CGN: variants seen among roughly 807,000 people sequenced by gnomAD.
CGN encodes the protein cingulin.
In CGN, 121 loss-of-function variants were observed where a neutral mutation model predicts 157.1. That is an observed-to-expected ratio of 0.77 (90% CI 0.66 to 0.90). The LOEUF (loss-of-function observed/expected upper bound fraction) is 0.90, where lower values mean the gene tolerates loss of function less well. CGN is among the 40% of genes least tolerant of loss of function. CGN has a pLI of 0.00. For missense variants in CGN, 1,424 were observed against 1,520.9 expected (o/e 0.94, Z 1.06); for synonymous variants, 535 against 607.5 (o/e 0.88, Z 1.76).
At chr1:151,511,174 G>T (rs1325317231), upstream of CGN, among the ~76,000 whole-genome samples, 1 of 152,132 alleles carries the variant, frequency 6.6e-6, no homozygotes, top group Non-Finnish European at 1.5e-5. This position sits in a 1 kb window ranked among gnomAD's most constrained non-coding sequence, Gnocchi z 4.8. Context: ...CGCGCCCCTC[G>T]CCGCCCCGCC....
At chr1:151,533,070 C>T (rs146421199) in intron 14 of CGN, among the ~76,000 whole-genome samples, 1 of 152,118 alleles carries the variant, frequency 6.6e-6, no homozygotes, top group South Asian at 2.1e-4. Flanking sequence ...TTTTAAAAAT[C>T]CCCACACCCA....
In CGN at chr1:151,519,326, T is replaced by G; in HGVS notation, c.807T>G (p.Thr269=). 2 of 1,611,056 alleles carry G rather than the reference T, an allele frequency of 1.2e-6. No homozygotes were observed. The highest frequency in any genetic ancestry group is 8.5e-7 in the Non-Finnish European group (1 of 1,180,002). ...PLSGFSRSRQ[T]QDWVLQSFEE... ...GTGGCTTTAGCCGTTCTCGTCAGAC[T>G]CAGGACTGGGTCCTTCAGAGTTTTG... Residue 269 remains threonine, a synonymous_variant, in exon 2 of 21, where the codon ACT becomes ACG. Coordinates refer to ENST00000271636, the MANE Select transcript of CGN (RefSeq NM_020770.3).
At position 151,524,375 on chromosome 1, in the gene CGN, T is replaced by C; in HGVS notation, c.1401+17T>C. 2 of 1,612,818 alleles carry C rather than the reference T, an allele frequency of 1.2e-6. No homozygotes were observed. Among genetic ancestry groups the C allele is most frequent in the Non-Finnish European group, 1.7e-6 (2 of 1,179,494 alleles). ...TTACTGAAGGTAGGGTCTGGGGTCA[T>C]ATGCCCCAGCCTCTGCTTTTTCTCA... On this transcript the variant is annotated intron_variant, in intron 7 of 20. Coordinates refer to ENST00000271636, the MANE Select transcript of CGN (RefSeq NM_020770.3). This position sits in a 1 kb window ranked among gnomAD's most constrained non-coding sequence, Gnocchi z 4.4.
rs1347955169 is a variant in CGN, at chr1:151,511,770, A to C, written c.-15+255A>C. 2.0e-5 allele frequency among the ~76,000 whole-genome samples: 3 copies of C among 152,314 alleles called. No homozygotes were observed. Among genetic ancestry groups the C allele is most frequent in the Admixed American group, 1.3e-4 (2 of 15,308 alleles). On this transcript the variant is annotated intron_variant, in intron 1 of 20. Transcript: ENST00000271636. The surrounding 1 kb of genome is among the most constrained non-coding windows in gnomAD (Gnocchi z 4.8). ...CTGGGGCGAAGGCTGTTCCCAGCGC[A>C]TGAAAGCGTTTCAGCGCCAGATGTC... is the stretch of plus-strand genomic sequence containing the variant.
Position 151,538,341 on chromosome 1 carries a change from A to C in CGN, c.*995A>C, listed in dbSNP as rs75094320. The C allele has an allele frequency of 1.3e-5, 2 of 152,234 alleles. No homozygotes were observed. The highest frequency in any genetic ancestry group is 3.8e-4 in the East Asian group (2 of 5,196). 9.4% of individuals were successfully genotyped at this position (152,234 alleles called of 1,614,324 possible). ...TGTGCCCAACTTCAATAAGAGAACC[A>C]AGGGACCCTCATTTTCTGAGGTGCT... On this transcript the variant is annotated 3_prime_UTR_variant, in exon 21 of 21. Coordinates refer to ENST00000271636, the MANE Select transcript of CGN (RefSeq NM_020770.3).
At chr1:151,528,211 T>A (rs1226051840) in intron 10 of CGN, among the ~76,000 whole-genome samples, 1 of 151,824 alleles carries the variant, frequency 6.6e-6, no homozygotes, top group Non-Finnish European at 1.5e-5. Context: ...TTGGTCTTGA[T>A]CTCCTGACCT....
rs1664965198 is a variant in CGN, at chr1:151,536,234, T to C, written c.3198-3T>C. 1.3e-6 allele frequency: 2 copies of C among 1,562,548 alleles called. No individual in the cohort carries two copies. On this transcript the variant is annotated splice_region_variant and splice_polypyrimidine_tract_variant and intron_variant, in intron 18 of 20. Transcript: ENST00000271636. ...TCATAGACATTCTTCTACCTCACCTTAGGGAGAAGACAGTTCTGCAGTCTA... is the reference window on the plus strand; with the variant it reads ...TCATAGACATTCTTCTACCTCACCTCAGGGAGAAGACAGTTCTGCAGTCTA...
At chr1:151,510,590 T>G (rs1449502264), upstream of CGN, 2 of 152,116 alleles carry the variant, frequency 1.3e-5, no homozygotes. Flanking sequence ...AGAACGAAGG[T>G]CATTCCTATT....
In CGN at chr1:151,519,262, C is replaced by A; in HGVS notation, c.743C>A (p.Ser248Ter). ...AAATATGACAACCATGTGGGCACTT[C>A]GAAGCAGCCAGCCCAGAGCCAGAAC... is the stretch of plus-strand genomic sequence containing the variant. ...STKYDNHVGTSKQPAQSQNLS... is the reference protein window; with the variant it reads ...STKYDNHVGT Residue 248 changes from serine (S) to a stop codon, truncating the protein, a stop_gained, in exon 2 of 21, where the codon TCG becomes TAG. Transcript: ENST00000271636. LOFTEE classifies it high-confidence loss of function. 6.2e-7 allele frequency: 1 copy of A among 1,614,102 alleles called. No individual in the cohort carries two copies. The highest frequency in any genetic ancestry group is 2.2e-5 in the East Asian group (1 of 44,888).
chr1:151,529,777 G>A, intron 11 of CGN, 132 bp from the exon 12 acceptor site: 1 of 888,406 alleles, frequency 1.1e-6, no homozygotes. Context: ...GGTGGCAGCT[G>A]CTCTCTTTAA....
At chr1:151,536,053 G>A (rs1571672322) in intron 18 of CGN, 155 bp downstream of exon 18, 1 of 708,668 alleles carries the variant, frequency 1.4e-6, no homozygotes, top group East Asian at 2.7e-5. Context: ...AGAGCAAAGA[G>A]TGTTGCAGAA....
rs72464092 is a variant in CGN at position 151,537,027 on chromosome 1, ATATT to A, written c.3470+143_3470+146del. On this transcript the variant is annotated intron_variant, in intron 20 of 20. Coordinates refer to ENST00000271636, the MANE Select transcript of CGN (RefSeq NM_020770.3). ...CACTTGTTTCTGGTTGGAAGCCAGT[ATATT>A]TATTTATTAGTATCTCAGCCACCAT... The A allele has an allele frequency of 4.3e-3, 5,050 of 1,188,176 alleles. 104 individuals carry two copies. The African/African-American group carries it at 0.058, about 14-fold the overall frequency. The allele number at this position is 1,188,176 out of a possible 1,614,324, so 73.6% of individuals were successfully genotyped here.
intron 2 of CGN, 31 bp from the exon 3 acceptor site, chr1:151,520,135 T>A (rs375594870): frequency 1.5e-6 from 2 of 1,336,006 alleles, no homozygotes; most frequent in East Asian, 2.5e-5. Context: ...TCTTTCTTTC[T>A]TTTTTTTTTC....
chr1:151,526,454 C>T (rs1478465916), intron 9 of CGN, among the ~76,000 whole-genome samples: 2 of 150,602 alleles, frequency 1.3e-5, no homozygotes, highest in African/African-American at 2.4e-5. Flanking sequence ...GGATTACAGG[C>T]GTGAGCCACT....
At position 151,535,905 on chromosome 1, in the gene CGN, T is replaced by G; in HGVS notation, c.3197+7T>G. The G allele has an allele frequency of 3.1e-6, 5 of 1,602,624 alleles. No homozygotes were observed. In the South Asian group the frequency reaches 4.4e-5, roughly 14 times the overall value. ...GGCTACAGGCTGAAGAGAGGTGACA[T>G]AAGCCTATCCTTCCTCCCTTCCTCC... On this transcript the variant is annotated splice_region_variant and intron_variant, in intron 18 of 20. Transcript: ENST00000271636.
rs1031502868 is a variant in CGN, at chr1:151,530,824, G to C, written c.2571+78G>C. The C allele has an allele frequency of 7.6e-6, 11 of 1,453,188 alleles. No individual in the cohort carries two copies. In the South Asian group the frequency reaches 1.2e-4, roughly 16 times the overall value. 90.0% of individuals were successfully genotyped at this position (1,453,188 alleles called of 1,614,324 possible). On this transcript the variant is annotated intron_variant, in intron 13 of 20. Coordinates refer to ENST00000271636, the MANE Select transcript of CGN (RefSeq NM_020770.3). ...GCTGGCCTGAGAGGACAGGGGCTTG[G>C]GGGAGAGGGGTTAGTCAGAATGTGT...
Position 151,518,685 on chromosome 1 carries a change from C to G in CGN, c.166C>G (p.Arg56Gly), listed in dbSNP as rs1006810957. Residue 56 changes from arginine (R) to glycine (G), a missense_variant, in exon 2 of 21, where the codon CGT becomes GGT. Transcript: ENST00000271636. ...AGCCAGTACCTACGGGGTTGCTGTGCGTGTGCAGGGAATCGCTGGGCAGCC... is the reference window on the plus strand; with the variant it reads ...AGCCAGTACCTACGGGGTTGCTGTGGGTGTGCAGGGAATCGCTGGGCAGCC... ...ARASTYGVAV[R>G]VQGIAGQPFV... is the part of the protein sequence containing the mutation. 2 of 1,614,102 alleles carry G rather than the reference C, an allele frequency of 1.2e-6. No individual in the cohort carries two copies.
intron 5 of CGN, 121 bp from the exon 6 acceptor site, chr1:151,523,313 C>T: frequency 4.6e-6 from 4 of 866,328 alleles, no homozygotes; most frequent in Non-Finnish European, 7.0e-6. Flanking sequence ...ACATAAGGTC[C>T]TAAGTATAGT....
At position 151,520,168 on chromosome 1, in the gene CGN, C is replaced by A. The variant is rs1223304342; in HGVS notation, c.876C>A (p.Phe292Leu). 6.3e-7 allele frequency: 1 copy of A among 1,597,736 alleles called. No homozygotes were observed. ...TTCTTTTTCTTTTTTTTTAACAGTT[C>A]AAATCAACTCCAGACCTCCTTCGAG... ...RSAQDPTMLQ[F>L]KSTPDLLRDQ... Residue 292 changes from phenylalanine to leucine, a missense_variant and splice_region_variant, in exon 3 of 21, where the codon TTC becomes TTA. Phe to Leu is a conservative substitution (Grantham distance 22). Around this residue, in one of 3 missense-constraint regions of CGN, gnomAD observed 1,187 missense variants for 1,217.6 expected, o/e 0.97. Transcript: ENST00000271636.
Sources: gnomAD v4.1 joint callset for allele counts (sites outside exome capture counted in the v4.1 genomes callset) on GRCh38, gnomAD v4.1.1 for gene constraint, gnomAD v4.1.1 regional missense constraint, Gnocchi (gnomAD v3.1) non-coding constraint, MANE v1.5 for transcripts, NCBI Gene and HGNC (gene_info 2026-07-23, HGNC 2026-07-21) for gene names.